Variants in PDE1A observed in about 807,000 individuals in gnomAD.
PDE1A encodes phosphodiesterase 1A.
Under a neutral mutation model 61.7 loss-of-function variants are expected in PDE1A, and 35 were observed. The ratio of observed to expected loss-of-function variants is 0.57; its 90% CI spans 0.43 to 0.75. PDE1A has a LOEUF of 0.75. Ranked by LOEUF, PDE1A falls within the 30% of genes least tolerant of loss-of-function variation. The pLI, the probability that PDE1A is intolerant of heterozygous loss-of-function variation, is 0.00. For missense variants in PDE1A, 597 were observed against 630.6 expected, an observed-to-expected ratio of 0.95 and a Z score of 0.57; for synonymous variants, 232 against 213.2, an observed-to-expected ratio of 1.09 and a Z score of -0.77.
intron 8 of PDE1A, among the ~76,000 whole-genome samples, chr2:182,204,397 G>C (rs1686923488): frequency 6.6e-6 from 1 of 151,982 alleles, no homozygotes. Context: ...GTTAACCCTT[G>C]AACAACATAA....
At chr2:182,665,113 ATAC>A in the PDE1A span, among the ~76,000 whole-genome samples, 1 of 152,336 alleles carries the variant, frequency 6.6e-6, no homozygotes, top group African/African-American at 2.4e-5. Flanking sequence ...AATTGATAAA[ATAC>A]TACAATAAAC....
chr2:182,374,862 C>G (rs1244509133), intron 1 of PDE1A, among the ~76,000 whole-genome samples: 1 of 152,158 alleles, frequency 6.6e-6, no homozygotes, highest in Non-Finnish European at 1.5e-5. Context: ...ACTGAACTTA[C>G]AGTTGCATAT....
intron 1 of PDE1A, among the ~76,000 whole-genome samples, chr2:182,295,955 A>G (rs1301727216): frequency 6.6e-6 from 1 of 152,228 alleles, no homozygotes; most frequent in African/African-American, 2.4e-5. Flanking sequence ...GCTAGATACT[A>G]GAAATTTACT....
At chr2:182,662,060 A>C in the PDE1A span, among the ~76,000 whole-genome samples, 1 of 152,078 alleles carries the variant, frequency 6.6e-6, no homozygotes, top group Non-Finnish European at 1.5e-5. Flanking sequence ...AAAACTACAA[A>C]AAATATGATA....
chr2:182,564,938 C>A, the PDE1A span, among the ~76,000 whole-genome samples: 1 of 152,126 alleles, frequency 6.6e-6, no homozygotes, highest in Non-Finnish European at 1.5e-5. Context: ...ATTGGTTATT[C>A]TAGTTATACA....
At chr2:182,454,791 T>C (rs906320861) in intron 2 of PDE1A, among the ~76,000 whole-genome samples, 2 of 151,932 alleles carry the variant, frequency 1.3e-5, no homozygotes, top group Non-Finnish European at 2.9e-5. Context: ...AAGACTTACA[T>C]GTTAGACCTA....
chr2:182,339,121 T>C (rs1273100290), intron 1 of PDE1A, among the ~76,000 whole-genome samples: 1 of 152,194 alleles, frequency 6.6e-6, no homozygotes, highest in Non-Finnish European at 1.5e-5. Context: ...CTCTTCTTTG[T>C]ACCACTGCAT....
At chr2:182,494,401 A>G (rs1688584068) in intron 2 of PDE1A, among the ~76,000 whole-genome samples, 1 of 151,374 alleles carries the variant, frequency 6.6e-6, no homozygotes, top group African/African-American at 2.4e-5. Flanking sequence ...TCCACACCCA[A>G]TGCTCAGCCC....
the PDE1A span, among the ~76,000 whole-genome samples, chr2:182,564,147 C>T: frequency 2.2e-4 from 33 of 152,192 alleles, no homozygotes; most frequent in Middle Eastern, 3.4e-3. Flanking sequence ...TTCTTCCTAG[C>T]CTCGATGGTC....
intron 2 of PDE1A, among the ~76,000 whole-genome samples, chr2:182,440,403 CTG>C (rs1457798965): frequency 6.6e-6 from 1 of 152,064 alleles, no homozygotes; most frequent in Non-Finnish European, 1.5e-5. Context: ...CAGAAAGTAA[CTG>C]TGGCAGACCA....
At chr2:182,716,310 G>C in the PDE1A span, 1 of 152,464 alleles carries the variant, frequency 6.6e-6, no homozygotes, top group East Asian at 1.9e-4. Flanking sequence ...CCGGCCGCGC[G>C]CTGGTAGTCG....
At chr2:182,263,131 C>A (rs1692349674) in intron 2 of PDE1A, among the ~76,000 whole-genome samples, 2 of 152,128 alleles carry the variant, frequency 1.3e-5, no homozygotes, top group Admixed American at 1.3e-4. Context: ...TGGAAGGGGC[C>A]TAGTGGGTGT....
At chr2:182,489,992 A>C (rs1263129523) in intron 2 of PDE1A, among the ~76,000 whole-genome samples, 1 of 55,864 alleles carries the variant, frequency 1.8e-5, no homozygotes, top group African/African-American at 9.5e-5. Flanking sequence ...ATGTGTAAAA[A>C]TAAGGAGAAA....
chr2:182,282,901 C>T (rs552373025), intron 1 of PDE1A, among the ~76,000 whole-genome samples: 1 of 152,000 alleles, frequency 6.6e-6, no homozygotes, highest in East Asian at 1.9e-4. Flanking sequence ...GGACACTGCG[C>T]CTTAAACTTT....
chr2:182,561,757 G>A, the PDE1A span, among the ~76,000 whole-genome samples: 2 of 152,094 alleles, frequency 1.3e-5, no homozygotes, highest in South Asian at 4.2e-4. Flanking sequence ...AGTTCTCCTT[G>A]AAGAGGTCCT....
chr2:182,408,900 C>G (rs957279224), intron 1 of PDE1A, among the ~76,000 whole-genome samples: 1 of 152,208 alleles, frequency 6.6e-6, no homozygotes, highest in East Asian at 1.9e-4. Flanking sequence ...CCAATCCACT[C>G]ACCTTGCAGA....
intron 1 of PDE1A, among the ~76,000 whole-genome samples, chr2:182,309,027 TAA>T (rs59614735): frequency 6.9e-6 from 1 of 145,956 alleles, no homozygotes; most frequent in Non-Finnish European, 1.5e-5. Flanking sequence ...AGTCTTGCTT[TAA>T]AAAAAAAAAA....
chr2:182,190,785 G>GTC (rs1685619195), intron 10 of PDE1A, among the ~76,000 whole-genome samples: 1 of 151,866 alleles, frequency 6.6e-6, no homozygotes, highest in Admixed American at 6.6e-5. Context: ...GTGAAACACC[G>GTC]TCTCTACTAT....
chr2:182,372,958 C>T (rs1429098773), intron 1 of PDE1A, among the ~76,000 whole-genome samples: 1 of 152,210 alleles, frequency 6.6e-6, no homozygotes, highest in African/African-American at 2.4e-5. Flanking sequence ...GGCCAGGGAT[C>T]CACTCATGAC....
Sources: gnomAD v4.1 joint callset for allele counts (sites outside exome capture counted in the v4.1 genomes callset) on GRCh38, gnomAD v4.1.1 for gene constraint, MANE v1.5 for transcripts, NCBI Gene and HGNC (gene_info 2026-07-23, HGNC 2026-07-21) for gene names.